Variants in CRACD observed in about 807,000 individuals in gnomAD.
The protein encoded by CRACD is capping protein inhibiting regulator of actin dynamics.
Under a neutral mutation model 106.8 loss-of-function variants are expected in CRACD, and 56 were observed. The observed-to-expected ratio is 0.52, with a 90% confidence interval of 0.42 to 0.66. CRACD has a LOEUF of 0.66. CRACD is among the 30% of genes least tolerant of loss of function. CRACD has a pLI of 0.00. For synonymous variants in CRACD, 754 were observed against 670.8 expected, an observed-to-expected ratio of 1.12 and a Z score of -1.92; for missense variants, 1,730 against 1,623.2, an observed-to-expected ratio of 1.07 and a Z score of -1.13.
At chr4:56,220,060 A>G (rs753100617) in intron 2 of CRACD, among the ~76,000 whole-genome samples, 8 of 152,154 alleles carry the variant, frequency 5.3e-5, no homozygotes, top group Admixed American at 2.0e-4. Context: ...AAGGAATAAA[A>G]TCACTCAGAA....
intron 1 of CRACD, among the ~76,000 whole-genome samples, chr4:56,073,306 C>A (rs11721368): frequency 6.6e-6 from 1 of 151,924 alleles, no homozygotes; most frequent in Non-Finnish European, 1.5e-5. Context: ...TTCTAACTGG[C>A]GTGAAATAGT....
chr4:56,305,734 C>T (rs1430687150), intron 4 of CRACD, among the ~76,000 whole-genome samples: 1 of 152,156 alleles, frequency 6.6e-6, no homozygotes, highest in Admixed American at 6.5e-5. Flanking sequence ...ACTTGGCATG[C>T]TGGGGTCCCC....
intron 1 of CRACD, among the ~76,000 whole-genome samples, chr4:56,057,780 C>T (rs571477813): frequency 6.8e-6 from 1 of 147,212 alleles, no homozygotes; most frequent in East Asian, 2.0e-4. Flanking sequence ...TGCGCCACCA[C>T]ACCTGGCTCA....
At chr4:56,176,971 A>T (rs988628758) in intron 1 of CRACD, among the ~76,000 whole-genome samples, 2 of 152,088 alleles carry the variant, frequency 1.3e-5, no homozygotes, top group African/African-American at 2.4e-5. Context: ...GAGCCTTTAG[A>T]TTTTTCTAAA....
chr4:56,188,709 CACAGAGAGAGAG>C (rs1737211794), intron 2 of CRACD, among the ~76,000 whole-genome samples: 1 of 129,868 alleles, frequency 7.7e-6, no homozygotes, highest in African/African-American at 3.3e-5. Flanking sequence ...CACACACACA[CACAGAGAGAGAG>C]AGAGAGAGAG....
intron 1 of CRACD, among the ~76,000 whole-genome samples, chr4:56,096,225 T>C (rs1733596040): frequency 6.6e-6 from 1 of 152,146 alleles, no homozygotes; most frequent in Non-Finnish European, 1.5e-5. Flanking sequence ...ATATAGTTGA[T>C]ATTTAAAGCC....
intron 1 of CRACD, among the ~76,000 whole-genome samples, chr4:56,096,329 G>T (rs1455039705): frequency 6.6e-6 from 1 of 152,170 alleles, no homozygotes; most frequent in Non-Finnish European, 1.5e-5. Context: ...ACAGGCTTGG[G>T]ATATGAAGAG....
chr4:56,180,273 C>A (rs941519833), intron 2 of CRACD, among the ~76,000 whole-genome samples: 1 of 151,954 alleles, frequency 6.6e-6, no homozygotes, highest in African/African-American at 2.4e-5. Flanking sequence ...GGGCGAATCA[C>A]AAGGTCAGGA....
chr4:56,327,071 G>T (rs963314916), intron 10 of CRACD, among the ~76,000 whole-genome samples: 1 of 152,140 alleles, frequency 6.6e-6, no homozygotes, highest in African/African-American at 2.4e-5. Context: ...ACCAGATCCA[G>T]TCGGCTGGGT....
intron 1 of CRACD, among the ~76,000 whole-genome samples, chr4:56,052,906 G>T (rs565226731): frequency 1.3e-5 from 2 of 152,214 alleles, no homozygotes; most frequent in African/African-American, 2.4e-5. Flanking sequence ...ACCCATTGTG[G>T]TACATCTTTT....
At chr4:56,063,364 A>T (rs1326528175) in intron 1 of CRACD, among the ~76,000 whole-genome samples, 4 of 152,108 alleles carry the variant, frequency 2.6e-5, no homozygotes, top group East Asian at 1.9e-4. Context: ...AGCCAAAAAA[A>T]TTTTTTATTG....
At chr4:56,247,501 A>C (rs535198359) in intron 2 of CRACD, among the ~76,000 whole-genome samples, 2 of 152,138 alleles carry the variant, frequency 1.3e-5, no homozygotes, top group Non-Finnish European at 2.9e-5. Context: ...CCTCTCTTCC[A>C]GTAGTTGGCA....
chr4:56,176,563 G>T (rs1736592820), intron 1 of CRACD, among the ~76,000 whole-genome samples: 1 of 151,690 alleles, frequency 6.6e-6, no homozygotes, highest in Admixed American at 6.6e-5. Context: ...CGAGTAGCTG[G>T]GACTACAGGC....
chr4:56,297,332 C>A (rs1393150461), intron 3 of CRACD, among the ~76,000 whole-genome samples: 1 of 152,172 alleles, frequency 6.6e-6, no homozygotes, highest in Non-Finnish European at 1.5e-5. Context: ...AGTGTTTTAG[C>A]TGGGCTTAGT....
intron 3 of CRACD, among the ~76,000 whole-genome samples, chr4:56,284,782 GCAC>G (rs1396489470): frequency 1.3e-5 from 2 of 151,974 alleles, no homozygotes; most frequent in African/African-American, 4.8e-5. Flanking sequence ...AACATGCAAA[GCAC>G]TTTTATTTTC....
chr4:56,257,324 C>G (rs1349750627), intron 2 of CRACD, among the ~76,000 whole-genome samples: 1 of 151,938 alleles, frequency 6.6e-6, no homozygotes, highest in African/African-American at 2.4e-5. Flanking sequence ...TCAGGTGATC[C>G]ACCTGCCTTG....
At chr4:56,077,283 C>T (rs58927874) in intron 1 of CRACD, among the ~76,000 whole-genome samples, 50,247 of 151,742 alleles carry the variant, frequency 0.33, 8,881 homozygotes, top group African/African-American at 0.47. Flanking sequence ...CTTATAAAAC[C>T]ATCAGATCTC....
chr4:56,208,698 C>T (rs1738249778), intron 2 of CRACD, among the ~76,000 whole-genome samples: 1 of 152,170 alleles, frequency 6.6e-6, no homozygotes, highest in South Asian at 2.1e-4. Flanking sequence ...ATGGAGGCTT[C>T]AGGGGCTCTC....
At chr4:56,278,988 A>G (rs1742841332) in intron 3 of CRACD, among the ~76,000 whole-genome samples, 1 of 152,376 alleles carries the variant, frequency 6.6e-6, no homozygotes, top group South Asian at 2.1e-4. Flanking sequence ...AAAGATAGAC[A>G]GTAACAAGTG....
Sources: gnomAD v4.1 joint callset for allele counts (sites outside exome capture counted in the v4.1 genomes callset) on GRCh38, gnomAD v4.1.1 for gene constraint, MANE v1.5 for transcripts, NCBI Gene and HGNC (gene_info 2026-07-23, HGNC 2026-07-21) for gene names.